The following ZYG11A variants were observed in gnomAD, a reference collection of about 807,000 sequenced individuals.
ZYG11A encodes the protein zyg-11 family member A, cell cycle regulator, also known as protein zyg-11 homolog A.
ZYG11A carries 62 observed loss-of-function variants against 77.2 expected under a neutral mutation model. The observed-to-expected ratio is 0.80, with a 90% CI of 0.65 to 0.99. The LOEUF is 0.99. Among genes scored for constraint, ZYG11A ranks in the 50% least tolerant of loss-of-function variants. The pLI, the probability that ZYG11A is intolerant of heterozygous loss-of-function variation, is 0.00. For missense variants in ZYG11A, 828 were observed against 896.8 expected (o/e 0.92, Z 0.98); for synonymous variants, 315 against 324.6 (o/e 0.97, Z 0.32).
At chr1:52,885,531 C>A (rs1341111358) in intron 11 of ZYG11A, among the ~76,000 whole-genome samples, 1 of 151,994 alleles carries the variant, frequency 6.6e-6, no homozygotes, top group East Asian at 1.9e-4. Flanking sequence ...TTTCTAAGTG[C>A]TAGGTATTAA....
At chr1:52,853,122 T>C (rs1184933590) in intron 1 of ZYG11A, among the ~76,000 whole-genome samples, 1 of 152,234 alleles carries the variant, frequency 6.6e-6, no homozygotes, top group African/African-American at 2.4e-5. Context: ...CAAGAAGATA[T>C]CAAGTATTGG....
At chr1:52,870,638 C>T (rs1646140986) in intron 8 of ZYG11A, among the ~76,000 whole-genome samples, 1 of 152,248 alleles carries the variant, frequency 6.6e-6, no homozygotes, top group African/African-American at 2.4e-5. Flanking sequence ...GCTGGCGGAT[C>T]ACTCGCGGTT....
chr1:52,867,294 T>C lies in ZYG11A; in HGVS notation c.1392-245T>C, dbSNP rs552127513. Among the ~76,000 whole-genome samples the C allele has an allele frequency of 3.9e-5, 6 of 152,332 alleles. No individual in the cohort carries two copies. In the South Asian group the frequency reaches 1.2e-3, roughly 32 times the overall value. ...TAGTAGAAACTGAATGATAAATACA[T>C]TTTTTCTTAGATTTGCTCATCTTTA... On this transcript the variant is annotated intron_variant, in intron 6 of 13. Transcript: ENST00000371528.
intron 8 of ZYG11A, among the ~76,000 whole-genome samples, chr1:52,871,710 A>G (rs1011855728): frequency 7.9e-5 from 12 of 152,030 alleles, no homozygotes; most frequent in African/African-American, 2.7e-4. Context: ...AACTTTATCA[A>G]TACTTAAATA....
At chr1:52,852,660 C>T (rs1159842973) in intron 1 of ZYG11A, among the ~76,000 whole-genome samples, 1 of 152,086 alleles carries the variant, frequency 6.6e-6, no homozygotes, top group African/African-American at 2.4e-5. Context: ...GCTTGGCCAG[C>T]GTTTCTATTT....
At position 52,894,986 on chromosome 1, in the gene ZYG11A, C is replaced by G. The variant is rs184164911; in HGVS notation, c.*2029C>G. 4.5e-4 allele frequency: 69 copies of G among 152,306 alleles called. No homozygotes were observed. The highest frequency in any genetic ancestry group is 1.6e-3 in the African/African-American group (67 of 41,562). The allele number at this position is 152,306 out of a possible 1,614,324, so 9.4% of individuals were successfully genotyped here. On this transcript the variant is annotated 3_prime_UTR_variant, in exon 14 of 14. Coordinates refer to ENST00000371528, the MANE Select transcript of ZYG11A (RefSeq NM_001004339.3). ...GGTGAGTTTTATTTTCCTCACTTAACAGATGAGAAAAAGGAAGTTCAGTAA... is the reference window on the plus strand; with the variant it reads ...GGTGAGTTTTATTTTCCTCACTTAAGAGATGAGAAAAAGGAAGTTCAGTAA...
chr1:52,861,893 C>A (rs537873605), intron 4 of ZYG11A, among the ~76,000 whole-genome samples: 1 of 151,790 alleles, frequency 6.6e-6, no homozygotes, highest in African/African-American at 2.4e-5. Context: ...CCTGTCTCTA[C>A]AAAAATTTAG....
chr1:52,858,802 C>T (rs924686608), intron 3 of ZYG11A, among the ~76,000 whole-genome samples: 6 of 151,446 alleles, frequency 4.0e-5, no homozygotes, highest in Admixed American at 3.3e-4. Flanking sequence ...TTAGTAGAGG[C>T]AGAGTTTCAC....
intron 8 of ZYG11A, among the ~76,000 whole-genome samples, chr1:52,876,217 C>G (rs1316164348): frequency 6.6e-6 from 1 of 152,054 alleles, no homozygotes; most frequent in Non-Finnish European, 1.5e-5. Flanking sequence ...GTTAAGTGTC[C>G]TTTTGAAATT....
At position 52,860,789 on chromosome 1, in the gene ZYG11A, G is replaced by T. The variant is rs755577719; in HGVS notation, c.1067G>T (p.Arg356Ile). Residue 356 changes from arginine to isoleucine, a missense_variant, in exon 4 of 14, where the codon AGA becomes ATA. By Grantham distance (97) the Arg-to-Ile change is moderately conservative. Coordinates refer to ENST00000371528, the MANE Select transcript of ZYG11A (RefSeq NM_001004339.3). ...GAAGCACTGAGCCGATACAGGAACA[G>T]ATCATGTTTTGTGAAGGAAGCCCTC... ...ISEALSRYRN[R>I]SCFVKEALHR... is the part of the protein sequence containing the mutation. 205 of 1,551,578 alleles carry T rather than the reference G, an allele frequency of 1.3e-4. No homozygotes were observed. The highest frequency in any genetic ancestry group is 2.4e-5 in the Non-Finnish European group (27 of 1,146,994).
chr1:52,892,433 CAGG>C (rs1227253842), intron 13 of ZYG11A, among the ~76,000 whole-genome samples: 1 of 151,204 alleles, frequency 6.6e-6, no homozygotes, highest in Non-Finnish European at 1.5e-5. Flanking sequence ...GAGGCGGAGG[CAGG>C]AGAATTGCTT....
chr1:52,843,029 C>A, intron 1 of ZYG11A, 56 bp downstream of exon 1: 1 of 1,419,900 alleles, frequency 7.0e-7, no homozygotes, highest in South Asian at 1.3e-5. Flanking sequence ...CCAGCTCCGG[C>A]GAGCGCGGCG....
At chr1:52,865,147 G>T (rs984319363) in intron 5 of ZYG11A, among the ~76,000 whole-genome samples, 4 of 151,456 alleles carry the variant, frequency 2.6e-5, no homozygotes, top group Admixed American at 6.6e-5. Context: ...TCACCATGTT[G>T]GCCAGGGTGG....
At chr1:52,884,187 A>G (rs2150020129) in intron 11 of ZYG11A, among the ~76,000 whole-genome samples, 1 of 151,778 alleles carries the variant, frequency 6.6e-6, no homozygotes, top group South Asian at 2.1e-4. Context: ...GCCAATAAAT[A>G]AAATTAAAAA....
chr1:52,857,372 G>C lies in ZYG11A; in HGVS notation c.631G>C (p.Asp211His). The C allele has an allele frequency of 1.3e-6, 2 of 1,551,786 alleles. No homozygotes were observed. Among genetic ancestry groups the C allele is most frequent in the Non-Finnish European group, 1.7e-6 (2 of 1,146,988 alleles). ...VSQLPRLESL[D>H]ISNTLVTDIS... ...TCAGTTACCAAGACTGGAAAGCTTA[G>C]ATATCTCTAATACTCTAGTCACTGA... The change falls in exon 3 of 14, where the codon GAT becomes CAT. Residue 211 changes from aspartate (D) to histidine (H), a missense_variant. Asp to His is a moderately conservative substitution (Grantham distance 81). Transcript: ENST00000371528.
At chr1:52,878,172 C>T (rs921386152) in intron 10 of ZYG11A, among the ~76,000 whole-genome samples, 2 of 152,174 alleles carry the variant, frequency 1.3e-5, no homozygotes, top group African/African-American at 4.8e-5. Context: ...TGGCTTAAAA[C>T]AGTAGCCATT....
At chr1:52,860,031 A>T (rs2149998177) in intron 3 of ZYG11A, among the ~76,000 whole-genome samples, 1 of 152,016 alleles carries the variant, frequency 6.6e-6, no homozygotes, top group South Asian at 2.1e-4. Flanking sequence ...GGGTAATGTG[A>T]CTTCTTCAAC....
At chr1:52,867,925 T>C in intron 8 of ZYG11A, 148 bp downstream of exon 8, 2 of 629,490 alleles carry the variant, frequency 3.2e-6, no homozygotes, top group Non-Finnish European at 5.3e-6. Context: ...TCTAATTTTG[T>C]AGCTATTTCT....
Position 52,860,792 on chromosome 1 carries a change from C to T in ZYG11A, c.1070C>T (p.Ser357Leu). Residue 357 changes from serine (S) to leucine (L), a missense_variant, in exon 4 of 14, where the codon TCA (serine) becomes TTA (leucine). Physicochemically the swap from Ser to Leu is moderately radical, Grantham distance 145 (BLOSUM62 -2). Coordinates refer to ENST00000371528, the MANE Select transcript of ZYG11A (RefSeq NM_001004339.3). Reference sequence around the variant, plus strand: ...GCACTGAGCCGATACAGGAACAGATCATGTTTTGTGAAGGAAGCCCTCCAC... The same window carrying T: ...GCACTGAGCCGATACAGGAACAGATTATGTTTTGTGAAGGAAGCCCTCCAC... Reference protein sequence around the residue: ...SEALSRYRNRSCFVKEALHRL... With the variant: ...SEALSRYRNRLCFVKEALHRL... 1.9e-6 allele frequency: 3 copies of T among 1,551,628 alleles called. No homozygotes were observed. The highest frequency in any genetic ancestry group is 1.2e-5 in the South Asian group (1 of 84,054).
Sources: gnomAD v4.1 joint callset for allele counts (sites outside exome capture counted in the v4.1 genomes callset) on GRCh38, gnomAD v4.1.1 for gene constraint, MANE v1.5 for transcripts, NCBI Gene and HGNC (gene_info 2026-07-23, HGNC 2026-07-21) for gene names.